FAT4: variants seen among roughly 807,000 people sequenced by gnomAD.
The protein encoded by FAT4 is FAT atypical cadherin 4, also known as protocadherin Fat 4.
FAT4 carries 84 observed loss-of-function variants against 303.9 expected under a neutral mutation model. That is an observed-to-expected ratio of 0.28 (90% confidence interval 0.23 to 0.33). The LOEUF is 0.33. Ranked by LOEUF, FAT4 falls within the 10% of genes least tolerant of loss-of-function variation. FAT4 has a pLI of 1.00. For synonymous variants in FAT4, 2,307 were observed against 2,298.8 expected, an observed-to-expected ratio of 1.00 and a Z score of -0.10; for missense variants, 6,005 against 6,146.8, an observed-to-expected ratio of 0.98 and a Z score of 0.77.
At chr4:125,341,523 T>C (rs553496348) in intron 2 of FAT4, among the ~76,000 whole-genome samples, 1 of 152,164 alleles carries the variant, frequency 6.6e-6, no homozygotes, top group Admixed American at 6.5e-5. Flanking sequence ...TAATGAAAAA[T>C]AGAATTTTTT....
chr4:125,463,627 C>A lies in FAT4; in HGVS notation c.11865C>A (p.Cys3955Ter). ...ECNPCFNGGS[C>*]QSGVDSYYCH... ...ACCCCTGCTTTAATGGTGGTTCCTGCCAAAGTGGTGTGGATTCTTATTATT... is the reference window on the plus strand; with the variant it reads ...ACCCCTGCTTTAATGGTGGTTCCTGACAAAGTGGTGTGGATTCTTATTATT... Residue 3955 changes from cysteine (C) to a stop codon, truncating the protein, a stop_gained, in exon 11 of 18, where the codon TGC becomes TGA. Coordinates refer to ENST00000394329, the MANE Select transcript of FAT4 (RefSeq NM_001291303.3). LOFTEE classifies it high-confidence loss of function. The A allele has an allele frequency of 6.3e-7, 1 of 1,599,600 alleles. No individual in the cohort carries two copies. Among genetic ancestry groups the A allele is most frequent in the Non-Finnish European group, 8.5e-7 (1 of 1,171,280 alleles).
In FAT4 at chr4:125,434,318, T is replaced by C. The variant is rs746757164; in HGVS notation, c.7092T>C (p.Phe2364=). The C allele has an allele frequency of 1.2e-6, 2 of 1,613,988 alleles. No individual in the cohort carries two copies. Among genetic ancestry groups the C allele is most frequent in the Non-Finnish European group, 1.7e-6 (2 of 1,179,978 alleles). ...VDDVNDNVPT[F]ASKAYFTTIP... ...ATGTCAATGACAATGTCCCCACATTTGCCAGTAAAGCGTATTTCACAACAA... is the reference window on the plus strand; with the variant it reads ...ATGTCAATGACAATGTCCCCACATTCGCCAGTAAAGCGTATTTCACAACAA... Residue 2364 remains phenylalanine (F), a synonymous_variant, in exon 8 of 18, where the codon TTT becomes TTC. Coordinates refer to ENST00000394329, the MANE Select transcript of FAT4 (RefSeq NM_001291303.3).
At chr4:125,347,672 A>G (rs1355870948) in intron 2 of FAT4, among the ~76,000 whole-genome samples, 1 of 151,696 alleles carries the variant, frequency 6.6e-6, no homozygotes, top group Non-Finnish European at 1.5e-5. Context: ...TTCCATTTGG[A>G]TTTGAATCCA....
intron 14 of FAT4, 32 bp downstream of exon 14, chr4:125,477,366 G>GAA: frequency 6.7e-7 from 1 of 1,499,920 alleles, no homozygotes; most frequent in Non-Finnish European, 8.9e-7. Context: ...CTGTTTTAAA[G>GAA]AAAAAAAATG....
chr4:125,437,361 G>T (rs1725495509), intron 8 of FAT4, among the ~76,000 whole-genome samples: 1 of 152,166 alleles, frequency 6.6e-6, no homozygotes, highest in South Asian at 2.1e-4. Context: ...AGTTAAGGAG[G>T]CCTGGCTAGA....
chr4:125,364,625 G>C (rs1164727810), intron 2 of FAT4, among the ~76,000 whole-genome samples: 1 of 151,982 alleles, frequency 6.6e-6, no homozygotes, highest in Admixed American at 6.5e-5. Context: ...CAGTGGTCAG[G>C]AGTCAGTTTT....
Position 125,452,096 on chromosome 4 carries a change from A to C in FAT4, c.11086A>C (p.Thr3696Pro), listed in dbSNP as rs1395059834. Reference sequence around the variant, plus strand: ...CAATGATGGAGTTCACAGCACAGTCACGAGCAACATCCGAGTTTTCTTTGC... The same window carrying C: ...CAATGATGGAGTTCACAGCACAGTCCCGAGCAACATCCGAGTTTTCTTTGC... ...LSNDGVHSTV[T>P]SNIRVFFAGF... Residue 3696 changes from threonine to proline, a missense_variant, in exon 10 of 18, where the codon ACG (threonine) becomes CCG (proline). Transcript: ENST00000394329. 6.2e-7 allele frequency: 1 copy of C among 1,614,072 alleles called. No individual in the cohort carries two copies. The highest frequency in any genetic ancestry group is 1.3e-5 in the African/African-American group (1 of 74,934).
chr4:125,472,692 C>T (rs1181139405), intron 12 of FAT4, among the ~76,000 whole-genome samples: 1 of 152,070 alleles, frequency 6.6e-6, no homozygotes, highest in Admixed American at 6.5e-5. Flanking sequence ...TAATTTACTA[C>T]AACATTAAAG....
At position 125,345,448 on chromosome 4, in the gene FAT4, G is replaced by GA. The variant is rs966237478; in HGVS notation, c.5175+23872dup. Reference sequence around the variant, plus strand: ...GATTAAGGACTTCTAAAGAAGTATTGAAAAAAAAAACACACAAAAAGTGGT... The same window carrying GA: ...GATTAAGGACTTCTAAAGAAGTATTGAAAAAAAAAAACACACAAAAAGTGGT... On this transcript the variant is annotated intron_variant, in intron 2 of 17. Coordinates refer to ENST00000394329, the MANE Select transcript of FAT4 (RefSeq NM_001291303.3). Among the ~76,000 whole-genome samples, 40 of 143,910 alleles carry GA rather than the reference G, an allele frequency of 2.8e-4. No individual in the cohort carries two copies. The East Asian group carries it at 3.6e-3, about 13-fold the overall frequency. The allele number at this position is 143,910 out of a possible 152,430, so 94.4% of individuals were successfully genotyped here. A position where few individuals can be genotyped will look rare whatever the true frequency, so the allele number is the denominator to read the frequency against.
At chr4:125,376,946 G>T (rs2125995698) in intron 2 of FAT4, among the ~76,000 whole-genome samples, 1 of 152,162 alleles carries the variant, frequency 6.6e-6, no homozygotes, top group East Asian at 1.9e-4. Context: ...TGGATGCCAC[G>T]ATTAAATATA....
At chr4:125,347,125 A>AT (rs1486567744) in intron 2 of FAT4, among the ~76,000 whole-genome samples, 1 of 151,774 alleles carries the variant, frequency 6.6e-6, no homozygotes, top group Non-Finnish European at 1.5e-5. Context: ...GGCAAGGCAT[A>AT]TATAAGAATA....
intron 8 of FAT4, among the ~76,000 whole-genome samples, chr4:125,436,195 A>AT (rs1220723275): frequency 1.3e-5 from 2 of 151,086 alleles, no homozygotes; most frequent in East Asian, 1.9e-4. Context: ...TATAATAATA[A>AT]AAAAAAAACA....
chr4:125,405,521 T>C (rs1415042803), intron 3 of FAT4, among the ~76,000 whole-genome samples: 1 of 152,112 alleles, frequency 6.6e-6, no homozygotes, highest in Non-Finnish European at 1.5e-5. Context: ...TTGGCCTTTT[T>C]TTTTTTGAGA....
intron 4 of FAT4, among the ~76,000 whole-genome samples, chr4:125,407,343 G>T (rs1053336664): frequency 6.6e-6 from 1 of 152,060 alleles, no homozygotes; most frequent in African/African-American, 2.4e-5. Context: ...TTTTTAGGAT[G>T]AATGAGGTTA....
chr4:125,446,610 T>C, intron 9 of FAT4, 67 bp downstream of exon 9: 1 of 1,370,414 alleles, frequency 7.3e-7, no homozygotes, highest in Non-Finnish European at 9.7e-7. Context: ...TCTATAAAAA[T>C]ATTTATGATA....
chr4:125,382,620 A>G (rs1733584561), intron 2 of FAT4, among the ~76,000 whole-genome samples: 1 of 152,114 alleles, frequency 6.6e-6, no homozygotes. Flanking sequence ...AGAATGGTAA[A>G]AGATCAGTGG....
chr4:125,361,807 C>A (rs1396686), intron 2 of FAT4, among the ~76,000 whole-genome samples: 7 of 152,044 alleles, frequency 4.6e-5, no homozygotes, highest in Non-Finnish European at 8.8e-5. Flanking sequence ...TGTCTTCCTA[C>A]GTCAGTCATG....
In FAT4 at chr4:125,479,913, A is replaced by C. The variant is rs778076815; in HGVS notation, c.12604+48A>C. On this transcript the variant is annotated intron_variant, in intron 15 of 17. Coordinates refer to ENST00000394329, the MANE Select transcript of FAT4 (RefSeq NM_001291303.3). Reference sequence around the variant, plus strand: ...CCCTGGAAATTTTAATAACTATGAAAAGTAAAATATATGCACCCAAGTATG... The same window carrying C: ...CCCTGGAAATTTTAATAACTATGAACAGTAAAATATATGCACCCAAGTATG... The C allele has an allele frequency of 2.1e-6, 3 of 1,441,270 alleles. No homozygotes were observed. The Admixed American group carries it at 6.0e-5, about 29-fold the overall frequency. The allele number at this position is 1,441,270 out of a possible 1,614,324, so 89.3% of individuals were successfully genotyped here.
At position 125,448,642 on chromosome 4, in the gene FAT4, T is replaced by C. The variant is rs1725914952; in HGVS notation, c.7632T>C (p.Asp2544=). The change falls in exon 10 of 18, where the codon GAT becomes GAC. Residue 2544 remains aspartate, a synonymous_variant. Transcript: ENST00000394329. ...SEVTFSVHVK[D]GGSFPKTDST... is the part of the protein sequence containing the mutation. ...TGACATTTTCTGTGCATGTAAAAGA[T>C]GGTGGCTCATTTCCAAAGACAGATT... 7 of 1,613,810 alleles carry C rather than the reference T, an allele frequency of 4.3e-6. No homozygotes were observed. The highest frequency in any genetic ancestry group is 4.2e-6 in the Non-Finnish European group (5 of 1,179,896).
Sources: gnomAD v4.1 joint callset for allele counts (sites outside exome capture counted in the v4.1 genomes callset) on GRCh38, gnomAD v4.1.1 for gene constraint, MANE v1.5 for transcripts, NCBI Gene and HGNC (gene_info 2026-07-23, HGNC 2026-07-21) for gene names.